Variants in CMSS1 observed in about 807,000 individuals in gnomAD.
CMSS1 encodes the protein protein CMSS1.
Under a neutral mutation model 43.5 loss-of-function variants are expected in CMSS1, and 33 were observed. That is an observed-to-expected ratio of 0.76 (90% CI 0.57 to 1.01). The LOEUF is 1.01. CMSS1 is among the 50% of genes least tolerant of loss of function. CMSS1 has a pLI of 0.00. For missense variants in CMSS1, 313 were observed against 326.4 expected (o/e 0.96, Z 0.32); for synonymous variants, 115 against 117.2 (o/e 0.98, Z 0.12).
At chr3:99,925,814 A>G (rs1707275774) in intron 1 of CMSS1, 16 of 984,022 alleles carry the variant, frequency 1.6e-5, no homozygotes, top group Non-Finnish European at 1.7e-5. Flanking sequence ...GCCAGTGGCC[A>G]AAAGCATCAC....
chr3:99,955,170 G>T (rs1038061923), intron 1 of CMSS1, among the ~76,000 whole-genome samples: 1 of 152,162 alleles, frequency 6.6e-6, no homozygotes, highest in African/African-American at 2.4e-5. Flanking sequence ...TAGCAATGGG[G>T]TGCTGTTTTT....
intron 1 of CMSS1, among the ~76,000 whole-genome samples, chr3:99,953,858 A>G (rs1185628339): frequency 6.6e-6 from 1 of 152,138 alleles, no homozygotes; most frequent in Non-Finnish European, 1.5e-5. Flanking sequence ...TGATCCACAA[A>G]TAGTCTGCCC....
chr3:99,846,744 G>C (rs912246958), intron 1 of CMSS1, among the ~76,000 whole-genome samples: 3 of 152,180 alleles, frequency 2.0e-5, no homozygotes, highest in Non-Finnish European at 4.4e-5. Flanking sequence ...GGGGAAAGGA[G>C]GATAATTGTG....
intron 1 of CMSS1, among the ~76,000 whole-genome samples, chr3:99,927,588 C>T (rs549796584): frequency 1.3e-5 from 2 of 152,044 alleles, no homozygotes; most frequent in East Asian, 1.9e-4. Context: ...AGGCTGGTCT[C>T]GAATTCCCGA....
At chr3:99,897,669 T>C (rs1412821364) in intron 1 of CMSS1, among the ~76,000 whole-genome samples, 1 of 152,152 alleles carries the variant, frequency 6.6e-6, no homozygotes, top group Non-Finnish European at 1.5e-5. Flanking sequence ...AAAATTGTGT[T>C]TTTGAGATTT....
chr3:100,164,900 C>T (rs2067053816), intron 4 of CMSS1, among the ~76,000 whole-genome samples: 1 of 152,104 alleles, frequency 6.6e-6, no homozygotes. Context: ...ATATTGTGCA[C>T]TGTACATTGT....
At chr3:99,899,478 C>G (rs2107624525) in intron 1 of CMSS1, among the ~76,000 whole-genome samples, 1 of 152,272 alleles carries the variant, frequency 6.6e-6, no homozygotes, top group South Asian at 2.1e-4. Context: ...ATATTAATGA[C>G]ACAACTAAAC....
chr3:99,825,775 C>CTTTTTTTTTTTTTTTTTTT (rs897686337), intron 1 of CMSS1, among the ~76,000 whole-genome samples: 1 of 121,612 alleles, frequency 8.2e-6, no homozygotes. Context: ...TTTTCTTTTT[C>CTTTTTTTTTTTTTTTTTTT]TTTTTTTTTT....
intron 1 of CMSS1, chr3:99,876,284 C>G (rs1214575662): frequency 3.0e-5 from 27 of 903,698 alleles, no homozygotes; most frequent in South Asian, 5.1e-5. Context: ...CCGCGGGACC[C>G]TCGGCCGCGG....
chr3:99,987,223 T>C (rs1249028263), intron 1 of CMSS1, among the ~76,000 whole-genome samples: 1 of 133,374 alleles, frequency 7.5e-6, no homozygotes, highest in Non-Finnish European at 1.6e-5. Flanking sequence ...AGTAAGACCC[T>C]GTCTCTTAAG....
intron 1 of CMSS1, among the ~76,000 whole-genome samples, chr3:99,952,755 T>C (rs1442538891): frequency 6.6e-6 from 1 of 152,184 alleles, no homozygotes; most frequent in African/African-American, 2.4e-5. Flanking sequence ...CAGAAACAGT[T>C]ATTATTAAAT....
At chr3:99,843,399 T>C (rs1470476287) in intron 1 of CMSS1, among the ~76,000 whole-genome samples, 1 of 152,146 alleles carries the variant, frequency 6.6e-6, no homozygotes, top group Non-Finnish European at 1.5e-5. Flanking sequence ...AAAGAAAACT[T>C]GGAGAATAAA....
intron 1 of CMSS1, among the ~76,000 whole-genome samples, chr3:99,903,714 T>C (rs555632673): frequency 1.3e-5 from 2 of 152,306 alleles, no homozygotes; most frequent in East Asian, 3.9e-4. Context: ...AACATCCTTG[T>C]AGCTACCATG....
At chr3:100,117,569 G>T (rs561727512) in intron 1 of CMSS1, among the ~76,000 whole-genome samples, 2 of 151,934 alleles carry the variant, frequency 1.3e-5, no homozygotes, top group African/African-American at 4.8e-5. Flanking sequence ...TACTAACCAC[G>T]TATGGTTATT....
At chr3:100,069,346 A>T (rs2065722454) in intron 1 of CMSS1, among the ~76,000 whole-genome samples, 1 of 152,012 alleles carries the variant, frequency 6.6e-6, no homozygotes, top group South Asian at 2.1e-4. Flanking sequence ...TTCTTGAATA[A>T]ATTACCTAAT....
At chr3:99,907,086 A>G (rs1220831959) in intron 1 of CMSS1, among the ~76,000 whole-genome samples, 1 of 152,190 alleles carries the variant, frequency 6.6e-6, no homozygotes, top group Non-Finnish European at 1.5e-5. Flanking sequence ...TCTTACTGTT[A>G]TTTAGACTTC....
At chr3:100,085,913 G>A (rs149081830) in intron 1 of CMSS1, among the ~76,000 whole-genome samples, 105 of 152,340 alleles carry the variant, frequency 6.9e-4, no homozygotes, top group Non-Finnish European at 1.3e-3. Flanking sequence ...GGATAACTTA[G>A]CTCTGGGTTA....
intron 1 of CMSS1, among the ~76,000 whole-genome samples, chr3:100,016,998 A>G (rs571482720): frequency 1.3e-5 from 2 of 152,318 alleles, no homozygotes; most frequent in African/African-American, 4.8e-5. Context: ...TTGAACAGTA[A>G]TGGAGATCTT....
At chr3:100,017,394 C>G (rs747579328) in intron 1 of CMSS1, among the ~76,000 whole-genome samples, 7 of 152,162 alleles carry the variant, frequency 4.6e-5, no homozygotes, top group Admixed American at 6.5e-5. Flanking sequence ...GTTACCTCTC[C>G]CATTATTAGT....
Sources: gnomAD v4.1 joint callset for allele counts (sites outside exome capture counted in the v4.1 genomes callset) on GRCh38, gnomAD v4.1.1 for gene constraint, MANE v1.5 for transcripts, NCBI Gene and HGNC (gene_info 2026-07-23, HGNC 2026-07-21) for gene names.